The following PPP3CA variants were observed in gnomAD, a reference collection of about 807,000 sequenced individuals.
PPP3CA encodes protein phosphatase 3 catalytic subunit alpha.
PPP3CA carries 14 observed loss-of-function variants against 66.5 expected under a neutral mutation model. The ratio of observed to expected loss-of-function variants is 0.21; its 90% confidence interval spans 0.14 to 0.33. The LOEUF is 0.33. PPP3CA is among the 10% of genes least tolerant of loss of function. The pLI is 1.00. For missense variants in PPP3CA, 317 were observed against 639.5 expected, an observed-to-expected ratio of 0.50 and a Z score of 5.44; for synonymous variants, 232 against 226.2, an observed-to-expected ratio of 1.03 and a Z score of -0.23.
At chr4:101,110,290 T>G (rs993245540) in intron 2 of PPP3CA, among the ~76,000 whole-genome samples, 9 of 152,162 alleles carry the variant, frequency 5.9e-5, no homozygotes, top group Non-Finnish European at 1.2e-4. Context: ...TGTTTTAAAT[T>G]TTATTTCCTT....
chr4:101,243,894 G>A (rs774189243), intron 1 of PPP3CA, among the ~76,000 whole-genome samples: 8 of 152,104 alleles, frequency 5.3e-5, no homozygotes, highest in Non-Finnish European at 1.0e-4. Flanking sequence ...AATTGCTAAT[G>A]TACTTTCCAG....
At chr4:101,070,184 T>A (rs971543618) in intron 8 of PPP3CA, among the ~76,000 whole-genome samples, 5 of 152,148 alleles carry the variant, frequency 3.3e-5, no homozygotes, top group East Asian at 1.9e-4. Flanking sequence ...CCCTTTTTTT[T>A]ATAGTGTTAT....
chr4:101,174,607 T>G (rs1723995823), intron 2 of PPP3CA, among the ~76,000 whole-genome samples: 1 of 152,186 alleles, frequency 6.6e-6, no homozygotes, highest in South Asian at 2.1e-4. Flanking sequence ...CACAAAATTA[T>G]ACATATTGTA....
At chr4:101,213,778 C>T (rs930917496) in intron 1 of PPP3CA, among the ~76,000 whole-genome samples, 2 of 152,002 alleles carry the variant, frequency 1.3e-5, no homozygotes, top group Non-Finnish European at 2.9e-5. Flanking sequence ...CGACATAATC[C>T]GAGAGTCTTG....
At chr4:101,198,679 G>A (rs1724876112) in intron 1 of PPP3CA, among the ~76,000 whole-genome samples, 4 of 152,082 alleles carry the variant, frequency 2.6e-5, no homozygotes, top group Non-Finnish European at 1.5e-5. Flanking sequence ...AAGGTGAGAG[G>A]CAACAGGAGA....
At chr4:101,108,872 G>T (rs1325098489) in intron 3 of PPP3CA, 82 bp downstream of exon 3, 2 of 1,356,858 alleles carry the variant, frequency 1.5e-6, no homozygotes, top group Non-Finnish European at 2.1e-6. Context: ...TTTCCATAAG[G>T]CAATAACATT....
At chr4:101,071,992 ATTAAATGT>A (rs1271268000) in intron 8 of PPP3CA, among the ~76,000 whole-genome samples, 1 of 152,226 alleles carries the variant, frequency 6.6e-6, no homozygotes, top group East Asian at 1.9e-4. Flanking sequence ...CCTTCCATTA[ATTAAATGT>A]TTAAATGTGA....
At position 101,080,640 on chromosome 4, in the gene PPP3CA, A is replaced by T. The variant is rs780952005; in HGVS notation, c.861-14T>A. The T allele has an allele frequency of 6.3e-6, 9 of 1,419,872 alleles. No homozygotes were observed. In the Admixed American group the frequency reaches 1.4e-4, roughly 22 times the overall value. The allele number at this position is 1,419,872 out of a possible 1,614,324, so 88.0% of individuals were successfully genotyped here. ...TACATGCGGTACCTAAAAAGAACAA[A>T]TACAGTCAAAACAAAGCTTGTATGG... is the stretch of plus-strand genomic sequence containing the variant. On this transcript the variant is annotated splice_polypyrimidine_tract_variant and intron_variant, in intron 7 of 13. Transcript: ENST00000394854.
chr4:101,048,434 G>A (rs1727861261), intron 10 of PPP3CA, among the ~76,000 whole-genome samples: 1 of 141,928 alleles, frequency 7.0e-6, no homozygotes, highest in African/African-American at 2.6e-5. Context: ...CCATAAACCT[G>A]GGAATCCTGC....
chr4:101,285,096 T>C (rs1489385251), intron 1 of PPP3CA, among the ~76,000 whole-genome samples: 2 of 152,270 alleles, frequency 1.3e-5, no homozygotes, highest in Middle Eastern at 3.4e-3. Context: ...TTCTCTATCT[T>C]GTCTCCCTCT....
intron 2 of PPP3CA, among the ~76,000 whole-genome samples, chr4:101,154,808 ATTTTTTTT>A (rs779695561): frequency 1.4e-4 from 13 of 90,582 alleles, no homozygotes; most frequent in African/African-American, 5.6e-4. Context: ...CACTCCCAGA[ATTTTTTTT>A]TTTTTTTTTT....
chr4:101,257,041 T>C (rs985872988), intron 1 of PPP3CA, among the ~76,000 whole-genome samples: 7 of 152,020 alleles, frequency 4.6e-5, no homozygotes, highest in African/African-American at 1.7e-4. Flanking sequence ...TTTCTTATTA[T>C]GGAACTCATT....
At chr4:101,169,630 T>C (rs1015039179) in intron 2 of PPP3CA, among the ~76,000 whole-genome samples, 2 of 152,214 alleles carry the variant, frequency 1.3e-5, no homozygotes, top group African/African-American at 4.8e-5. Flanking sequence ...ACCTATGGGT[T>C]TGATTTTTAC....
intron 1 of PPP3CA, among the ~76,000 whole-genome samples, chr4:101,300,794 C>T (rs545260547): frequency 2.2e-4 from 33 of 152,180 alleles, no homozygotes; most frequent in Non-Finnish European, 2.8e-4. Flanking sequence ...GACTCTGCCA[C>T]GTAATATTTC....
At chr4:101,071,242 G>GT (rs1376258206) in intron 8 of PPP3CA, among the ~76,000 whole-genome samples, 3 of 152,158 alleles carry the variant, frequency 2.0e-5, no homozygotes, top group African/African-American at 7.2e-5. Flanking sequence ...CTTGGACTTT[G>GT]TATCAGGCCT....
chr4:101,333,842 C>T (rs1007177155), intron 1 of PPP3CA, among the ~76,000 whole-genome samples: 2 of 152,190 alleles, frequency 1.3e-5, no homozygotes, highest in Non-Finnish European at 2.9e-5. Context: ...GGATGTAGCC[C>T]CTTCTGCTAT....
rs1486529681 is a variant in PPP3CA, at chr4:101,025,796, CA to C, written c.*68del. ...AGAACATCCAACTGCTGATATGCAGCAATCCCCATCATGCCCCGCAGCTCAA... is the reference window on the plus strand; with the variant it reads ...AGAACATCCAACTGCTGATATGCAGCATCCCCATCATGCCCCGCAGCTCAA... On this transcript the variant is annotated 3_prime_UTR_variant, in exon 14 of 14. Transcript: ENST00000394854. 2 of 1,237,640 alleles carry C rather than the reference CA, an allele frequency of 1.6e-6. No individual in the cohort carries two copies. The highest frequency in any genetic ancestry group is 5.1e-5 in the East Asian group (2 of 39,510). The allele number at this position is 1,237,640 out of a possible 1,614,324, so 76.7% of individuals were successfully genotyped here.
chr4:101,304,524 A>T (rs1728476758), intron 1 of PPP3CA, among the ~76,000 whole-genome samples: 1 of 152,184 alleles, frequency 6.6e-6, no homozygotes, highest in Admixed American at 6.5e-5. Context: ...AAAAGGTTTT[A>T]TGTATGTTTT....
intron 1 of PPP3CA, among the ~76,000 whole-genome samples, chr4:101,309,991 C>G (rs972569128): frequency 1.3e-5 from 2 of 152,126 alleles, no homozygotes; most frequent in Non-Finnish European, 2.9e-5. Context: ...ATGAAAAGAT[C>G]AGTGTGTAAA....
Sources: gnomAD v4.1 joint callset for allele counts (sites outside exome capture counted in the v4.1 genomes callset) on GRCh38, gnomAD v4.1.1 for gene constraint, MANE v1.5 for transcripts, NCBI Gene and HGNC (gene_info 2026-07-23, HGNC 2026-07-21) for gene names.